Variants in PPFIA2 observed in about 807,000 individuals in gnomAD.
PPFIA2 encodes PPFI scaffold protein A2, also known as liprin-alpha-2.
PPFIA2 carries 46 observed loss-of-function variants against 175.5 expected under a neutral mutation model. That is an observed-to-expected ratio of 0.26 (90% CI 0.21 to 0.34). The LOEUF (loss-of-function observed/expected upper bound fraction) is 0.34, where lower values mean the gene tolerates loss of function less well. Ranked by LOEUF, PPFIA2 falls within the 10% of genes least tolerant of loss-of-function variation. The pLI is 1.00. For missense variants in PPFIA2, 1,179 were observed against 1,506.1 expected, an observed-to-expected ratio of 0.78 and a Z score of 3.60; for synonymous variants, 568 against 511.4, an observed-to-expected ratio of 1.11 and a Z score of -1.49.
At chr12:81,757,620 T>C (rs2084890990) in intron 2 of PPFIA2, among the ~76,000 whole-genome samples, 1 of 152,164 alleles carries the variant, frequency 6.6e-6, no homozygotes. Context: ...TCTTAGCACA[T>C]AGCCTTGACT....
At chr12:81,701,993 G>A (rs145683645) in intron 3 of PPFIA2, among the ~76,000 whole-genome samples, 1 of 151,612 alleles carries the variant, frequency 6.6e-6, no homozygotes, top group Admixed American at 6.6e-5. Context: ...TGAGGAAAGA[G>A]AAAGAGAAAC....
intron 4 of PPFIA2, among the ~76,000 whole-genome samples, chr12:81,524,196 AG>A (rs1482101226): frequency 2.2e-4 from 33 of 152,172 alleles, no homozygotes; most frequent in Admixed American, 6.5e-5. Flanking sequence ...GTGGAGCCAT[AG>A]GGTTGGTTCT....
chr12:81,616,619 C>G (rs1482132093), intron 4 of PPFIA2, among the ~76,000 whole-genome samples: 3 of 152,102 alleles, frequency 2.0e-5, no homozygotes, highest in African/African-American at 7.2e-5. Context: ...CATGTAGATA[C>G]AGAATTAAAT....
intron 9 of PPFIA2, 55 bp downstream of exon 9, chr12:81,383,968 T>C (rs2038355967): frequency 3.9e-5 from 53 of 1,369,200 alleles, no homozygotes; most frequent in Non-Finnish European, 5.5e-5. Context: ...ATGGAAACAG[T>C]ATCTCAGAAG....
At chr12:81,419,954 T>G (rs970991383) in intron 7 of PPFIA2, among the ~76,000 whole-genome samples, 6 of 152,156 alleles carry the variant, frequency 3.9e-5, no homozygotes, top group African/African-American at 1.4e-4. Context: ...GCAGGAGGAC[T>G]TCAAAAGCTT....
At chr12:81,293,335 T>C (rs761561828) in intron 24 of PPFIA2, among the ~76,000 whole-genome samples, 18 of 152,088 alleles carry the variant, frequency 1.2e-4, no homozygotes, top group Non-Finnish European at 2.5e-4. Flanking sequence ...TGTTCTTTTC[T>C]AGGATTAGGA....
chr12:81,655,876 T>C (rs1243766597), intron 4 of PPFIA2, among the ~76,000 whole-genome samples: 13 of 152,070 alleles, frequency 8.5e-5, no homozygotes, highest in African/African-American at 2.9e-4. Context: ...TGTTCTACCA[T>C]GATTGAGGCT....
At chr12:81,416,772 A>G (rs967098576) in intron 7 of PPFIA2, among the ~76,000 whole-genome samples, 8 of 151,706 alleles carry the variant, frequency 5.3e-5, no homozygotes, top group African/African-American at 1.9e-4. Context: ...ATAAATGACA[A>G]CTGACTGCAG....
Position 81,376,069 on chromosome 12 carries a change from T to A in PPFIA2, c.985-127A>T. 8 of 854,076 alleles carry A rather than the reference T, an allele frequency of 9.4e-6. No individual in the cohort carries two copies. The South Asian group carries it at 1.3e-4, about 14-fold the overall frequency. The allele number at this position is 854,076 out of a possible 1,614,324, so 52.9% of individuals were successfully genotyped here. ...TTGAAGTAAATACTCATTCCTTTCTTTTCATTGAACGAATGTGAGATTGCA... is the reference window on the plus strand; with the variant it reads ...TTGAAGTAAATACTCATTCCTTTCTATTCATTGAACGAATGTGAGATTGCA... On this transcript the variant is annotated intron_variant, in intron 9 of 32. Transcript: ENST00000549396.
At chr12:81,425,711 A>T (rs2047026024) in intron 7 of PPFIA2, among the ~76,000 whole-genome samples, 1 of 152,038 alleles carries the variant, frequency 6.6e-6, no homozygotes, top group Non-Finnish European at 1.5e-5. Context: ...ATTTTCTTTT[A>T]AAAGACTCTC....
At chr12:81,364,796 A>G (rs1381552221) in intron 14 of PPFIA2, among the ~76,000 whole-genome samples, 2 of 151,944 alleles carry the variant, frequency 1.3e-5, no homozygotes, top group South Asian at 2.1e-4. Flanking sequence ...TTGATATTGG[A>G]CTAGATGTGG....
intron 4 of PPFIA2, among the ~76,000 whole-genome samples, chr12:81,674,642 G>A (rs2153567199): frequency 6.6e-6 from 1 of 152,094 alleles, no homozygotes; most frequent in South Asian, 2.1e-4. Flanking sequence ...CCATCTGGGT[G>A]ACAGACAGAA....
Position 81,309,561 on chromosome 12 carries a change from T to C in PPFIA2, c.2643-10179A>G, listed in dbSNP as rs78202652. ...TGCAAGCGTGTGTGCCTGTGTATCC[T>C]ATTATTGCATATTTTCACATTTGGT... is the stretch of plus-strand genomic sequence containing the variant. On this transcript the variant is annotated intron_variant, in intron 22 of 32. Coordinates refer to ENST00000549396, the MANE Select transcript of PPFIA2 (RefSeq NM_003625.5). Among the ~76,000 whole-genome samples the C allele has an allele frequency of 1.6e-3, 239 of 152,228 alleles. 3 individuals are homozygous for C. The East Asian group carries it at 0.028, about 18-fold the overall frequency.
At chr12:81,276,629 C>T (rs1018920972) in intron 28 of PPFIA2, among the ~76,000 whole-genome samples, 12 of 151,990 alleles carry the variant, frequency 7.9e-5, no homozygotes, top group South Asian at 2.1e-4. Context: ...TATCCTTTGT[C>T]GGGTATATTA....
At chr12:81,447,990 C>T (rs1043769709) in intron 5 of PPFIA2, among the ~76,000 whole-genome samples, 1 of 152,036 alleles carries the variant, frequency 6.6e-6, no homozygotes, top group Non-Finnish European at 1.5e-5. Context: ...ACCTTTACAA[C>T]ACAATGAAAA....
At position 81,307,699 on chromosome 12, in the gene PPFIA2, C is replaced by T. The variant is rs563533798; in HGVS notation, c.2643-8317G>A. The stretch of plus-strand genomic sequence containing the variant: ...CACTGAGACCTTCCTAAACACAAAT[C>T]TTTTTGTAAGACTCACCTGTTTAAA... On this transcript the variant is annotated intron_variant, in intron 22 of 32. Coordinates refer to ENST00000549396, the MANE Select transcript of PPFIA2 (RefSeq NM_003625.5). Among the ~76,000 whole-genome samples, 17 of 152,228 alleles carry T rather than the reference C, an allele frequency of 1.1e-4. 1 individual carries two copies. The South Asian group carries it at 3.3e-3, about 30-fold the overall frequency.
chr12:81,541,114 A>G (rs1371488539), intron 4 of PPFIA2, among the ~76,000 whole-genome samples: 1 of 152,162 alleles, frequency 6.6e-6, no homozygotes, highest in Non-Finnish European at 1.5e-5. Flanking sequence ...TAAACATAAC[A>G]TTAAGTTTTA....
rs1348063077 is a variant in PPFIA2 at position 81,258,055 on chromosome 12, G to A, written c.*1639C>T. Reference sequence around the variant, plus strand: ...AATCAAGATGCCCATGTTTAGATGAGCTTAGAAAGCTACTTCTCATTGTTC... The same window carrying A: ...AATCAAGATGCCCATGTTTAGATGAACTTAGAAAGCTACTTCTCATTGTTC... On this transcript the variant is annotated 3_prime_UTR_variant, in exon 33 of 33. Transcript: ENST00000549396. 1.3e-5 allele frequency: 2 copies of A among 151,984 alleles called. No homozygotes were observed. Among genetic ancestry groups the A allele is most frequent in the South Asian group, 2.1e-4 (1 of 4,832 alleles). The allele number at this position is 151,984 out of a possible 1,614,324, so 9.4% of individuals were successfully genotyped here.
chr12:81,598,162 A>G, intron 4 of PPFIA2: 2 of 1,441,474 alleles, frequency 1.4e-6, no homozygotes, highest in Non-Finnish European at 1.8e-6. Context: ...CATCCTTCTT[A>G]CATACACAGT....
Sources: allele counts gnomAD v4.1 joint callset (sites outside exome capture counted in the v4.1 genomes callset), GRCh38; gene constraint gnomAD v4.1.1; transcripts MANE v1.5; gene names NCBI Gene and HGNC (gene_info 2026-07-23, HGNC 2026-07-21).